EYS: variants seen among roughly 807,000 people sequenced by gnomAD.
EYS encodes protein eyes shut homolog.
Under a neutral mutation model 282.1 loss-of-function variants are expected in EYS, and 250 were observed. That is an observed-to-expected ratio of 0.89 (90% CI 0.80 to 0.98). The LOEUF (loss-of-function observed/expected upper bound fraction) is 0.98, where lower values mean the gene tolerates loss of function less well. Ranked by LOEUF, EYS falls within the 50% of genes least tolerant of loss-of-function variation. EYS has a pLI of 0.00. For synonymous variants in EYS, 1,355 were observed against 1,282.9 expected (o/e 1.06, Z -1.20); for missense variants, 4,016 against 3,709.0 (o/e 1.08, Z -2.15).
rs147064621 is a variant in EYS, at chr6:65,564,136, T to C, written c.-332-68143A>G. ...GGAAATGAGAGAGGACACAAACAAA[T>C]GGAAAAACATTGCGTGCTCATAGAT... On this transcript the variant is annotated intron_variant, in intron 2 of 42. Coordinates refer to ENST00000503581, the MANE Select transcript of EYS (RefSeq NM_001142800.2). Among the ~76,000 whole-genome samples the C allele has an allele frequency of 6.6e-5, 10 of 152,058 alleles. No individual in the cohort carries two copies. The East Asian group carries it at 1.9e-3, about 29-fold the overall frequency.
chr6:64,799,114 T>C (rs1343432545), intron 22 of EYS, among the ~76,000 whole-genome samples: 2 of 151,950 alleles, frequency 1.3e-5, no homozygotes, highest in African/African-American at 2.4e-5. Context: ...TCATTGTTTA[T>C]AGAATCAGTT....
At chr6:64,336,927 A>G (rs1770874516) in intron 29 of EYS, among the ~76,000 whole-genome samples, 1 of 152,110 alleles carries the variant, frequency 6.6e-6, no homozygotes, top group South Asian at 2.1e-4. Flanking sequence ...TTCAAACTGA[A>G]CGACAATGAC....
At chr6:64,931,114 AG>A (rs1262971217) in intron 15 of EYS, among the ~76,000 whole-genome samples, 1 of 152,174 alleles carries the variant, frequency 6.6e-6, no homozygotes, top group Non-Finnish European at 1.5e-5. Flanking sequence ...GAGCACATAT[AG>A]GTAGTTCAGT....
chr6:63,932,485 A>G (rs1764925250), intron 35 of EYS, among the ~76,000 whole-genome samples: 2 of 152,160 alleles, frequency 1.3e-5, no homozygotes, highest in South Asian at 4.1e-4. Flanking sequence ...TCAACACTCA[A>G]TAACTATTCT....
At chr6:65,413,559 GTTGT>G (rs1332284804) in intron 5 of EYS, among the ~76,000 whole-genome samples, 35 of 151,958 alleles carry the variant, frequency 2.3e-4, no homozygotes, top group Non-Finnish European at 1.5e-5. Context: ...CTGTGGATAG[GTTGT>G]TTAAGAGCAA....
chr6:65,218,107 T>A (rs1441773509), intron 12 of EYS, among the ~76,000 whole-genome samples: 1 of 152,040 alleles, frequency 6.6e-6, no homozygotes, highest in Non-Finnish European at 1.5e-5. Flanking sequence ...GGTAGTTGAG[T>A]AAGAGAAAGG....
Position 64,439,273 on chromosome 6 carries a change from G to A in EYS, c.5724C>T (p.Ser1908=). The A allele has an allele frequency of 1.3e-6, 2 of 1,517,802 alleles. No individual in the cohort carries two copies. Among genetic ancestry groups the A allele is most frequent in the South Asian group, 2.6e-5 (2 of 77,028 alleles). The allele number at this position is 1,517,802 out of a possible 1,614,324, so 94.0% of individuals were successfully genotyped here. A position where few individuals can be genotyped will look rare whatever the true frequency, so the allele number is the denominator to read the frequency against. Residue 1908 remains serine, a synonymous_variant, in exon 27 of 43, where the codon TCC becomes TCT. Transcript: ENST00000503581. ...AGGAGCTGAAGGTCTGAAATTCTAG[G>A]GAGATGTTATTTTGTGGATTTAAAG... ...NVALNPQNNI[S]LEFQTFSSYG... is the part of the protein sequence containing the mutation.
chr6:63,985,972 A>G (rs1193645935), intron 34 of EYS, among the ~76,000 whole-genome samples: 2 of 151,924 alleles, frequency 1.3e-5, no homozygotes, highest in Admixed American at 1.3e-4. Context: ...AGAAATTGTC[A>G]GCAGAGTAAA....
intron 33 of EYS, among the ~76,000 whole-genome samples, chr6:64,062,426 T>A (rs745973928): frequency 6.6e-6 from 1 of 152,100 alleles, no homozygotes; most frequent in Admixed American, 6.5e-5. Flanking sequence ...GCTTGGTGGC[T>A]CACACCTGTA....
chr6:64,831,159 T>G (rs1405112918), intron 19 of EYS, among the ~76,000 whole-genome samples: 1 of 152,006 alleles, frequency 6.6e-6, no homozygotes, highest in Admixed American at 6.6e-5. Flanking sequence ...TAAATTGCAG[T>G]CTCTTTCTTG....
chr6:65,331,843 T>A, intron 11 of EYS: 2 of 462,598 alleles, frequency 4.3e-6, no homozygotes, highest in Non-Finnish European at 5.7e-6. Context: ...TTCATCTTTG[T>A]CTATTGCTGA....
intron 12 of EYS, among the ~76,000 whole-genome samples, chr6:65,088,696 T>A (rs1015158644): frequency 6.6e-6 from 1 of 152,056 alleles, no homozygotes; most frequent in Non-Finnish European, 1.5e-5. Context: ...GCATAAGTAA[T>A]AAGGAGCCCA....
chr6:65,011,313 G>T (rs186965992), intron 13 of EYS, among the ~76,000 whole-genome samples: 1 of 152,270 alleles, frequency 6.6e-6, no homozygotes, highest in East Asian at 1.9e-4. Context: ...GTGTGCCAAA[G>T]AAATAATCCC....
At chr6:64,098,198 GA>G (rs1239178549) in intron 31 of EYS, among the ~76,000 whole-genome samples, 1 of 152,010 alleles carries the variant, frequency 6.6e-6, no homozygotes, top group East Asian at 1.9e-4. Context: ...TGTACTCAAG[GA>G]AGCATATGTA....
At chr6:64,628,679 G>A (rs996834692) in intron 22 of EYS, among the ~76,000 whole-genome samples, 1 of 152,124 alleles carries the variant, frequency 6.6e-6, no homozygotes, top group Admixed American at 6.5e-5. Context: ...ATTCTTGGCA[G>A]AGTTATCTAA....
chr6:65,051,268 A>T (rs954073147), intron 13 of EYS, among the ~76,000 whole-genome samples: 1 of 151,568 alleles, frequency 6.6e-6, no homozygotes, highest in Admixed American at 6.6e-5. Context: ...TTGTTTTAAC[A>T]GTGATATATG....
intron 13 of EYS, among the ~76,000 whole-genome samples, chr6:65,044,640 A>G (rs1773044972): frequency 6.6e-6 from 1 of 151,828 alleles, no homozygotes. Context: ...GAATGATGTT[A>G]TCACATCTGA....
At chr6:64,381,419 A>G (rs1006725382) in intron 29 of EYS, among the ~76,000 whole-genome samples, 2 of 152,172 alleles carry the variant, frequency 1.3e-5, no homozygotes, top group African/African-American at 4.8e-5. Flanking sequence ...CATATTGTTT[A>G]AGTTCTCCTA....
chr6:65,351,895 G>A (rs542963494), intron 9 of EYS, among the ~76,000 whole-genome samples: 1 of 151,866 alleles, frequency 6.6e-6, no homozygotes, highest in South Asian at 2.1e-4. Flanking sequence ...TGTGGTCAGG[G>A]TTTAAAAACA....
Sources: allele counts gnomAD v4.1 joint callset (sites outside exome capture counted in the v4.1 genomes callset), GRCh38; gene constraint gnomAD v4.1.1; transcripts MANE v1.5; gene names NCBI Gene and HGNC (gene_info 2026-07-23, HGNC 2026-07-21).